The following GRIN2B variants were observed in gnomAD, a reference collection of about 807,000 sequenced individuals.
GRIN2B encodes glutamate ionotropic receptor NMDA type subunit 2B.
A neutral mutation model predicts 114.5 loss-of-function variants in GRIN2B; 5 were observed. The ratio of observed to expected loss-of-function variants is 0.04; its 90% CI spans 0.02 to 0.09. The LOEUF (loss-of-function observed/expected upper bound fraction) is 0.09, where lower values mean the gene tolerates loss of function less well. Among genes scored for constraint, GRIN2B ranks in the 10% least tolerant of loss-of-function variants. The pLI is 1.00. For missense variants in GRIN2B, 1,108 were observed against 1,943.5 expected, an observed-to-expected ratio of 0.57 and a Z score of 8.08; for synonymous variants, 787 against 745.1, an observed-to-expected ratio of 1.06 and a Z score of -0.92.
intron 1 of GRIN2B, among the ~76,000 whole-genome samples, chr12:13,980,640 T>A (rs1174708097): frequency 7.0e-6 from 1 of 143,704 alleles, no homozygotes; most frequent in Non-Finnish European, 1.5e-5. Flanking sequence ...AGGAGGGAAG[T>A]GGGAAGGAAG....
At chr12:13,706,352 G>A (rs957204383) in intron 4 of GRIN2B, among the ~76,000 whole-genome samples, 1 of 152,082 alleles carries the variant, frequency 6.6e-6, no homozygotes, top group Admixed American at 6.6e-5. Flanking sequence ...TGTTAAGATC[G>A]AAAGAAAAAT....
intron 4 of GRIN2B, among the ~76,000 whole-genome samples, chr12:13,696,601 A>G (rs998503988): frequency 6.6e-6 from 1 of 152,148 alleles, no homozygotes. Flanking sequence ...TGCCAGACCT[A>G]TGCTGAATGA....
intron 3 of GRIN2B, among the ~76,000 whole-genome samples, chr12:13,826,283 C>A (rs1865034076): frequency 6.6e-6 from 1 of 151,970 alleles, no homozygotes; most frequent in African/African-American, 2.4e-5. Context: ...CCATTCTGAC[C>A]AACACAGAGA....
In GRIN2B at chr12:13,890,770, T is replaced by C. The variant is rs76512774; in HGVS notation, c.-18-24544A>G. ...ACATGGAAGGGCCCATGAAATTAAA[T>C]TCCTGGTCTGCAGTCTGGAAACAGT... On this transcript the variant is annotated intron_variant, in intron 2 of 13. Transcript: ENST00000609686. 4.7e-3 allele frequency among the ~76,000 whole-genome samples: 711 copies of C among 152,264 alleles called. 3 individuals carry two copies. The highest frequency in any genetic ancestry group is 0.014 in the South Asian group (67 of 4,810).
chr12:13,861,186 G>A (rs1865745529), intron 3 of GRIN2B, among the ~76,000 whole-genome samples: 1 of 152,190 alleles, frequency 6.6e-6, no homozygotes, highest in South Asian at 2.1e-4. Flanking sequence ...ACTCAGGGAT[G>A]TATAATTCTT....
At chr12:13,797,784 TA>T (rs1228241342) in intron 3 of GRIN2B, among the ~76,000 whole-genome samples, 2 of 152,180 alleles carry the variant, frequency 1.3e-5, no homozygotes, top group Non-Finnish European at 2.9e-5. Context: ...AGAAATCTTA[TA>T]AAAAAGTGTT....
intron 3 of GRIN2B, among the ~76,000 whole-genome samples, chr12:13,837,371 A>G (rs1338338905): frequency 6.6e-6 from 1 of 152,142 alleles, no homozygotes; most frequent in African/African-American, 2.4e-5. Context: ...GCATTTCTGC[A>G]CTTGTACAAC....
chr12:13,810,867 G>A (rs1030959130), intron 3 of GRIN2B, among the ~76,000 whole-genome samples: 7 of 152,156 alleles, frequency 4.6e-5, no homozygotes, highest in African/African-American at 1.7e-4. Flanking sequence ...ATCAGAAGAG[G>A]GTCACAGAAA....
chr12:13,802,581 A>C (rs1267500570), intron 3 of GRIN2B, among the ~76,000 whole-genome samples: 1 of 152,144 alleles, frequency 6.6e-6, no homozygotes, highest in Non-Finnish European at 1.5e-5. Flanking sequence ...CTGAATAGAG[A>C]ATTGGTTAAA....
intron 3 of GRIN2B, among the ~76,000 whole-genome samples, chr12:13,827,183 G>T (rs1865054374): frequency 7.8e-6 from 1 of 127,510 alleles, no homozygotes; most frequent in Admixed American, 7.5e-5. Flanking sequence ...TCTCTTTATT[G>T]CTAGTTTTCA....
chr12:13,695,477 G>T (rs565481307), intron 4 of GRIN2B, among the ~76,000 whole-genome samples: 1 of 152,290 alleles, frequency 6.6e-6, no homozygotes, highest in East Asian at 1.9e-4. Flanking sequence ...AGCTGGGTCT[G>T]AAAGAGCGAG....
At chr12:13,648,947 G>A (rs776056366) in intron 5 of GRIN2B, among the ~76,000 whole-genome samples, 2 of 151,978 alleles carry the variant, frequency 1.3e-5, no homozygotes, top group Non-Finnish European at 2.9e-5. Context: ...AGGGAGAGAA[G>A]GAGAAGAAAG....
intron 4 of GRIN2B, among the ~76,000 whole-genome samples, chr12:13,689,151 C>G (rs1188925932): frequency 6.6e-6 from 1 of 152,180 alleles, no homozygotes; most frequent in African/African-American, 2.4e-5. Flanking sequence ...GTGGATTAGT[C>G]CAATTCTTCT....
intron 10 of GRIN2B, among the ~76,000 whole-genome samples, chr12:13,596,802 G>A (rs1040404019): frequency 2.0e-5 from 3 of 152,334 alleles, no homozygotes; most frequent in Admixed American, 6.5e-5. Context: ...TCTCTTCAAG[G>A]TTCCTGTGCA....
At chr12:13,620,272 G>T (rs1949498092) in intron 5 of GRIN2B, among the ~76,000 whole-genome samples, 1 of 152,176 alleles carries the variant, frequency 6.6e-6, no homozygotes, top group Non-Finnish European at 1.5e-5. Context: ...TGAGGCATGG[G>T]GAGCAATTGT....
rs534852870 is a variant in GRIN2B at position 13,735,702 on chromosome 12, G to A, written c.1010+17615C>T. Reference sequence around the variant, plus strand: ...AAGCACCTGGGCATTACAGGATCACGCCCTAATCTTATTTATTTCTGAAAT... The same window carrying A: ...AAGCACCTGGGCATTACAGGATCACACCCTAATCTTATTTATTTCTGAAAT... On this transcript the variant is annotated intron_variant, in intron 4 of 13. Transcript: ENST00000609686. Among the ~76,000 whole-genome samples the A allele has an allele frequency of 4.2e-4, 64 of 152,242 alleles. No homozygotes were observed. The South Asian group carries it at 9.1e-3, about 22-fold the overall frequency.
intron 4 of GRIN2B, among the ~76,000 whole-genome samples, chr12:13,705,826 A>G (rs1323195075): frequency 1.3e-5 from 2 of 152,180 alleles, no homozygotes; most frequent in Non-Finnish European, 2.9e-5. Context: ...CAGTGCAAGA[A>G]ACTGCAATTG....
Position 13,616,602 on chromosome 12 carries a change from A to G in GRIN2B, c.1181T>C (p.Met394Thr), listed in dbSNP as rs1365745170. ...CTCCTGCTCTTCAGTCTCTGGACACATTCGGGGCCACACATAGTACTTCAT... is the reference window on the plus strand; with the variant it reads ...CTCCTGCTCTTCAGTCTCTGGACACGTTCGGGGCCACACATAGTACTTCAT... ...LQMKYYVWPR[M>T]CPETEEQEDD... Residue 394 changes from methionine to threonine, a missense_variant, in exon 6 of 14, where the codon ATG becomes ACG. By Grantham distance (81) the Met-to-Thr change is moderately conservative (BLOSUM62 -1). This residue lies in a region of GRIN2B where 21 missense variants were observed against 25.4 expected (regional missense o/e 0.83). Coordinates refer to ENST00000609686, the MANE Select transcript of GRIN2B (RefSeq NM_000834.5). The G allele has an allele frequency of 1.2e-6, 2 of 1,614,064 alleles. No homozygotes were observed. The highest frequency in any genetic ancestry group is 1.7e-6 in the Non-Finnish European group (2 of 1,179,916).
chr12:13,666,014 T>C (rs1393459133), intron 5 of GRIN2B, among the ~76,000 whole-genome samples: 1 of 152,112 alleles, frequency 6.6e-6, no homozygotes, highest in Non-Finnish European at 1.5e-5. Context: ...GAGTCAAAGA[T>C]GATGACCTCA....
Sources: allele counts gnomAD v4.1 joint callset (sites outside exome capture counted in the v4.1 genomes callset), GRCh38; gene constraint gnomAD v4.1.1; regional missense constraint gnomAD v4.1.1; transcripts MANE v1.5; gene names NCBI Gene and HGNC (gene_info 2026-07-23, HGNC 2026-07-21).